Variants in PRKG1 observed in about 807,000 individuals in gnomAD.
The protein encoded by PRKG1 is cGMP-dependent protein kinase 1.
PRKG1 carries 35 observed loss-of-function variants against 88.1 expected under a neutral mutation model. The ratio of observed to expected loss-of-function variants is 0.40; its 90% CI spans 0.30 to 0.53. The LOEUF (loss-of-function observed/expected upper bound fraction) is 0.53. Ranked by LOEUF, PRKG1 falls within the 20% of genes least tolerant of loss-of-function variation. The pLI is 0.59. For synonymous variants in PRKG1, 303 were observed against 292.5 expected (o/e 1.04, Z -0.37); for missense variants, 540 against 839.8 (o/e 0.64, Z 4.41).
At chr10:51,351,172 G>A (rs532260138) in intron 2 of PRKG1, among the ~76,000 whole-genome samples, 2 of 152,072 alleles carry the variant, frequency 1.3e-5, no homozygotes, top group Non-Finnish European at 2.9e-5. Context: ...TGGGCATTTG[G>A]GTTGGTTCCA....
At chr10:52,271,759 C>T (rs775529861) in intron 11 of PRKG1, among the ~76,000 whole-genome samples, 1 of 151,938 alleles carries the variant, frequency 6.6e-6, no homozygotes, top group South Asian at 2.1e-4. Flanking sequence ...TTTTTTAAAT[C>T]CCCAAACTCT....
chr10:52,166,787 C>CTATATATA (rs201538311), intron 9 of PRKG1, among the ~76,000 whole-genome samples: 161 of 12,462 alleles, frequency 0.013, 4 homozygotes, highest in Non-Finnish European at 0.05. Context: ...ATAAAAAAGC[C>CTATATATA]TATATATATA....
intron 1 of PRKG1, among the ~76,000 whole-genome samples, chr10:51,089,923 C>A (rs1844357452): frequency 6.6e-6 from 1 of 152,166 alleles, no homozygotes. Flanking sequence ...TTCATGTACT[C>A]ATGAGATTAC....
chr10:51,351,657 G>A (rs1160469452), intron 2 of PRKG1, among the ~76,000 whole-genome samples: 2 of 151,744 alleles, frequency 1.3e-5, no homozygotes, highest in African/African-American at 4.8e-5. Flanking sequence ...TTTTTCAGAT[G>A]GATAGATTGC....
chr10:51,997,447 G>T (rs1213640800), intron 5 of PRKG1, among the ~76,000 whole-genome samples: 1 of 147,300 alleles, frequency 6.8e-6, no homozygotes, highest in African/African-American at 2.5e-5. Flanking sequence ...CTCCAGCCTG[G>T]CAAGAGAGTG....
At chr10:51,525,976 T>A (rs961048385) in intron 3 of PRKG1, among the ~76,000 whole-genome samples, 1 of 151,954 alleles carries the variant, frequency 6.6e-6, no homozygotes, top group African/African-American at 2.4e-5. Context: ...CAGCTACTCA[T>A]GTCCAGCTAA....
chr10:51,260,683 G>A (rs1470333623), intron 2 of PRKG1, among the ~76,000 whole-genome samples: 1 of 152,138 alleles, frequency 6.6e-6, no homozygotes, highest in African/African-American at 2.4e-5. Context: ...AATCAATTCT[G>A]CTCATGGAGA....
intron 7 of PRKG1, among the ~76,000 whole-genome samples, chr10:52,078,718 A>G (rs1227501876): frequency 6.6e-6 from 1 of 152,256 alleles, no homozygotes; most frequent in Non-Finnish European, 1.5e-5. Flanking sequence ...TCCATTTGCT[A>G]AAGCAGAGTG....
At chr10:51,895,210 G>A (rs986766585) in intron 4 of PRKG1, among the ~76,000 whole-genome samples, 16 of 152,190 alleles carry the variant, frequency 1.1e-4, no homozygotes, top group Admixed American at 9.2e-4. Flanking sequence ...GAAGGGCAGC[G>A]TTTGGCTGTT....
intron 1 of PRKG1, among the ~76,000 whole-genome samples, chr10:51,028,199 A>T (rs908982819): frequency 1.3e-5 from 2 of 152,194 alleles, no homozygotes; most frequent in Admixed American, 1.3e-4. Context: ...AAAATCAGAT[A>T]TGCTAATTTA....
At chr10:52,272,514 T>G (rs759953236) in intron 12 of PRKG1, 33 bp downstream of exon 12, 1 of 1,453,116 alleles carries the variant, frequency 6.9e-7, no homozygotes, top group South Asian at 1.2e-5. Flanking sequence ...ATGATATCTC[T>G]AAAAACAGTT....
At chr10:51,266,124 T>C (rs1447251717) in intron 2 of PRKG1, among the ~76,000 whole-genome samples, 1 of 152,088 alleles carries the variant, frequency 6.6e-6, no homozygotes, top group Non-Finnish European at 1.5e-5. Context: ...AACCATGAAA[T>C]AGAATGCAGC....
chr10:51,284,868 T>TA (rs1307375969), intron 2 of PRKG1, among the ~76,000 whole-genome samples: 21 of 136,458 alleles, frequency 1.5e-4, no homozygotes, highest in Non-Finnish European at 2.9e-4. Context: ...GTGGGTACTT[T>TA]TTTTTTTTTT....
intron 7 of PRKG1, among the ~76,000 whole-genome samples, chr10:52,090,734 T>C (rs1196804639): frequency 6.6e-6 from 1 of 152,216 alleles, no homozygotes; most frequent in Non-Finnish European, 1.5e-5. Flanking sequence ...TAGGTAACTA[T>C]TAATTAGAAT....
intron 3 of PRKG1, among the ~76,000 whole-genome samples, chr10:51,694,657 C>T (rs1841237338): frequency 6.6e-6 from 1 of 152,166 alleles, no homozygotes; most frequent in Admixed American, 6.5e-5. Flanking sequence ...TAGCAAATCA[C>T]TGTTTCACCC....
chr10:51,826,436 T>C (rs1021422185), intron 4 of PRKG1, among the ~76,000 whole-genome samples: 1 of 152,180 alleles, frequency 6.6e-6, no homozygotes, highest in South Asian at 2.1e-4. Flanking sequence ...ATGTAGCTAG[T>C]CCTCCAGAGG....
At chr10:51,187,047 G>C (rs892792354) in intron 2 of PRKG1, among the ~76,000 whole-genome samples, 2 of 148,852 alleles carry the variant, frequency 1.3e-5, no homozygotes, top group African/African-American at 5.0e-5. Context: ...AGAGGAAGTG[G>C]AAATTTTAAT....
At chr10:51,127,208 A>G (rs1400894434) in intron 1 of PRKG1, among the ~76,000 whole-genome samples, 2 of 152,176 alleles carry the variant, frequency 1.3e-5, no homozygotes, top group Non-Finnish European at 2.9e-5. Flanking sequence ...TTTGCAATCT[A>G]TCCATCCAAC....
intron 2 of PRKG1, among the ~76,000 whole-genome samples, chr10:51,246,341 G>A (rs1188225700): frequency 6.6e-6 from 1 of 152,086 alleles, no homozygotes; most frequent in Non-Finnish European, 1.5e-5. Flanking sequence ...AAACCCACAT[G>A]CCCACAGGAT....
Sources: gnomAD v4.1 joint callset for allele counts (sites outside exome capture counted in the v4.1 genomes callset) on GRCh38, gnomAD v4.1.1 for gene constraint, MANE v1.5 for transcripts, NCBI Gene and HGNC (gene_info 2026-07-23, HGNC 2026-07-21) for gene names.